The following SYNE2 variants were observed in gnomAD, a reference collection of about 807,000 sequenced individuals.
The protein encoded by SYNE2 is spectrin repeat containing nuclear envelope protein 2, also known as nesprin-2.
In SYNE2, 431 loss-of-function variants were observed where a neutral mutation model predicts 856.3. The observed-to-expected ratio is 0.50, with a 90% CI of 0.47 to 0.55. SYNE2 has a LOEUF of 0.55. SYNE2 is among the 20% of genes least tolerant of loss of function. The probability of loss-of-function intolerance (pLI) is 0.00; values close to 1 mark genes in which losing one functional copy is unlikely to be tolerated. For synonymous variants in SYNE2, 2,923 were observed against 2,872.3 expected (o/e 1.02, Z -0.56); for missense variants, 8,129 against 8,023.2 (o/e 1.01, Z -0.50).
intron 1 of SYNE2, among the ~76,000 whole-genome samples, chr14:63,763,027 G>A (rs1886545469): frequency 6.6e-6 from 1 of 152,154 alleles, no homozygotes; most frequent in South Asian, 2.1e-4. Flanking sequence ...TAGTGCTACG[G>A]CACAATCTTG....
chr14:64,037,582 T>C (rs1351870743), intron 45 of SYNE2, among the ~76,000 whole-genome samples: 1 of 151,914 alleles, frequency 6.6e-6, no homozygotes, highest in Non-Finnish European at 1.5e-5. Context: ...TTCCCCACCT[T>C]TCCCCCCTTT....
In SYNE2 at chr14:64,137,808, G is replaced by A. The variant is rs1191462858; in HGVS notation, c.14668G>A (p.Gly4890Arg). The A allele has an allele frequency of 6.2e-7, 1 of 1,614,142 alleles. No homozygotes were observed. The highest frequency in any genetic ancestry group is 8.5e-7 in the Non-Finnish European group (1 of 1,180,020). ...FYQQIKRNIG[G>R]KHARLYQTLN... ...TTAGCAAATAAAAAGAAACATTGGT[G>A]GAAAACACGCCCGGCTTTACCAAAC... Residue 4890 changes from glycine (G) to arginine (R), a missense_variant, in exon 79 of 116, where the codon GGA becomes AGA. This residue lies in a region of SYNE2 where 5,410 missense variants were observed against 5,284.8 expected (regional missense o/e 1.02). Coordinates refer to ENST00000555002, the MANE Select transcript of SYNE2 (RefSeq NM_182914.3).
chr14:64,209,024 C>T (rs1396091124), intron 101 of SYNE2, 79 bp downstream of exon 101: 2 of 1,512,160 alleles, frequency 1.3e-6, no homozygotes, highest in African/African-American at 1.4e-5. Context: ...TTCACAGTAA[C>T]TATTCTGTTC....
chr14:63,825,298 A>AAAGAAG (rs1889382581), intron 1 of SYNE2, among the ~76,000 whole-genome samples: 1 of 152,218 alleles, frequency 6.6e-6, no homozygotes, highest in African/African-American at 2.4e-5. Flanking sequence ...GGTTGGAAGG[A>AAAGAAG]AAGAAGTTAA....
chr14:63,848,618 G>A (rs1014314838), upstream of SYNE2, among the ~76,000 whole-genome samples: 7 of 152,120 alleles, frequency 4.6e-5, no homozygotes, highest in Non-Finnish European at 7.4e-5. Context: ...ATTCAGGGAC[G>A]GACACTACCA....
chr14:63,942,237 G>C (rs549448931), intron 6 of SYNE2, 94 bp downstream of exon 6: 1 of 791,256 alleles, frequency 1.3e-6, no homozygotes, highest in African/African-American at 1.7e-5. Flanking sequence ...ATTCAGTCCT[G>C]AGCTTCTCCT....
intron 1 of SYNE2, among the ~76,000 whole-genome samples, chr14:63,801,630 C>T (rs575957693): frequency 3.6e-4 from 54 of 151,858 alleles, no homozygotes; most frequent in Non-Finnish European, 5.6e-4. Context: ...GGTGAGATTG[C>T]GCCATTGCAC....
intron 96 of SYNE2, among the ~76,000 whole-genome samples, chr14:64,179,634 T>C (rs1352745503): frequency 6.6e-6 from 1 of 152,258 alleles, no homozygotes; most frequent in Non-Finnish European, 1.5e-5. Flanking sequence ...ATAGTATCTC[T>C]TTATAGTTTA....
At chr14:64,135,227 C>T (rs962024223) in intron 78 of SYNE2, among the ~76,000 whole-genome samples, 15 of 152,184 alleles carry the variant, frequency 9.9e-5, no homozygotes, top group African/African-American at 3.4e-4. Context: ...CTGAGTTGTG[C>T]GGCTAGAGGC....
chr14:64,063,997 A>G (rs2097338149), intron 50 of SYNE2, among the ~76,000 whole-genome samples: 1 of 152,236 alleles, frequency 6.6e-6, no homozygotes, highest in South Asian at 2.1e-4. Context: ...AGAAATTATA[A>G]CAATATGCTG....
At position 64,141,453 on chromosome 14, in the gene SYNE2, T is replaced by C. The variant is rs896203510; in HGVS notation, c.15089T>C (p.Leu5030Ser). ...GATACAGCTACACTGAGAGCTTCTT[T>C]AGCACAGTTTGAACAAAAATGGACA... Reference protein sequence around the residue: ...ETDTATLRASLAQFEQKWTML... With the variant: ...ETDTATLRASSAQFEQKWTML... Residue 5030 changes from leucine (L) to serine (S), a missense_variant, in exon 81 of 116, where the codon TTA becomes TCA. By Grantham distance (145) the Leu-to-Ser change is moderately radical. This residue lies in a region of SYNE2 where 5,410 missense variants were observed against 5,284.8 expected (regional missense o/e 1.02). Coordinates refer to ENST00000555002, the MANE Select transcript of SYNE2 (RefSeq NM_182914.3). 1.2e-6 allele frequency: 2 copies of C among 1,614,142 alleles called. No individual in the cohort carries two copies. The highest frequency in any genetic ancestry group is 8.5e-7 in the Non-Finnish European group (1 of 1,179,984).
intron 1 of SYNE2, among the ~76,000 whole-genome samples, chr14:63,856,272 G>A (rs1325364540): frequency 6.6e-6 from 1 of 152,218 alleles, no homozygotes; most frequent in African/African-American, 2.4e-5. Flanking sequence ...TATGGTTTAA[G>A]AAACTGGGCA....
In SYNE2 at chr14:64,181,212, A is replaced by G. The variant is rs146398928; in HGVS notation, c.17556+3729A>G. Among the ~76,000 whole-genome samples the G allele has an allele frequency of 3.8e-4, 58 of 152,316 alleles. 1 individual carries two copies. The East Asian group carries it at 0.01, about 27-fold the overall frequency. On this transcript the variant is annotated intron_variant, in intron 96 of 115. Coordinates refer to ENST00000555002, the MANE Select transcript of SYNE2 (RefSeq NM_182914.3). ...GATTTTAGAAGAAAATGATTCTAAC[A>G]TTTCACTGTTAAATGTGATATTTGG...
chr14:63,773,522 C>A (rs186342853), intron 1 of SYNE2, among the ~76,000 whole-genome samples: 1 of 152,034 alleles, frequency 6.6e-6, no homozygotes. Flanking sequence ...TTTTTTAAAG[C>A]CTATTTTTAA....
chr14:64,159,366 G>T lies in SYNE2; in HGVS notation c.16018G>T (p.Val5340Phe), dbSNP rs200214648. ...AGGGAGTTGGGAGAAACTCCAGGAG[G>T]TTATCGGCAAACTCAAAGGTCTCTG... ...SEGSWEKLQEVIGKLKGLCPS... is the reference protein window; with the variant it reads ...SEGSWEKLQEFIGKLKGLCPS... The change falls in exon 87 of 116, where the codon GTT becomes TTT. Residue 5340 changes from valine (V) to phenylalanine (F), a missense_variant. By Grantham distance (50) the Val-to-Phe change is conservative. Coordinates refer to ENST00000555002, the MANE Select transcript of SYNE2 (RefSeq NM_182914.3). 7.4e-5 allele frequency: 119 copies of T among 1,613,884 alleles called. No individual in the cohort carries two copies. Among genetic ancestry groups the T allele is most frequent in the Non-Finnish European group, 9.4e-5 (111 of 1,179,922 alleles).
chr14:64,180,015 T>A (rs2098450863), intron 96 of SYNE2, among the ~76,000 whole-genome samples: 1 of 152,250 alleles, frequency 6.6e-6, no homozygotes, highest in Non-Finnish European at 1.5e-5. Context: ...GATTTTCACA[T>A]TCACATCTTT....
intron 11 of SYNE2, among the ~76,000 whole-genome samples, chr14:63,974,892 G>GTGTGTGTATATATATATATATATATATA (rs1375697679): frequency 1.5e-5 from 1 of 67,326 alleles, no homozygotes; most frequent in African/African-American, 4.5e-5. Flanking sequence ...GTGTGTGTGT[G>GTGTGTGTATATATATATATATATATATA]TATATATATA....
chr14:64,053,674 A>G lies in SYNE2; in HGVS notation c.9744+17A>G, dbSNP rs748252736. The G allele has an allele frequency of 7.4e-6, 12 of 1,611,070 alleles. No individual in the cohort carries two copies. The highest frequency in any genetic ancestry group is 5.0e-5 in the Admixed American group (3 of 59,780). On this transcript the variant is annotated intron_variant, in intron 48 of 115. Transcript: ENST00000555002. ...TTGCGCACAGTAAGTTTTAAAAATT[A>G]TGCAGTTAGTGGCTGGGTGCGGGGG...
intron 38 of SYNE2, chr14:64,023,338 A>C (rs547550248): frequency 6.2e-6 from 1 of 161,052 alleles, no homozygotes; most frequent in Non-Finnish European, 1.4e-5. Flanking sequence ...CCTTTTTCCA[A>C]ATATTTAAGA....
Sources: gnomAD v4.1 joint callset for allele counts (sites outside exome capture counted in the v4.1 genomes callset) on GRCh38, gnomAD v4.1.1 for gene constraint, gnomAD v4.1.1 regional missense constraint, MANE v1.5 for transcripts, NCBI Gene and HGNC (gene_info 2026-07-23, HGNC 2026-07-21) for gene names.